The following KIAA2012 variants were observed in gnomAD, a reference collection of about 807,000 sequenced individuals.
The protein encoded by KIAA2012 is uncharacterized protein KIAA2012.
Under a neutral mutation model 150.6 loss-of-function variants are expected in KIAA2012, and 125 were observed. The observed-to-expected ratio is 0.83, with a 90% confidence interval of 0.72 to 0.96. The LOEUF (loss-of-function observed/expected upper bound fraction) is 0.96, where lower values mean the gene tolerates loss of function less well. Ranked by LOEUF, KIAA2012 falls within the 40% of genes least tolerant of loss-of-function variation. The pLI, the probability that KIAA2012 is intolerant of heterozygous loss-of-function variation, is 0.00. For missense variants in KIAA2012, 1,219 were observed against 1,354.9 expected, an observed-to-expected ratio of 0.90 and a Z score of 1.57; for synonymous variants, 462 against 504.7, an observed-to-expected ratio of 0.92 and a Z score of 1.13.
At chr2:202,080,749 T>A in intron 2 of KIAA2012, among the ~76,000 whole-genome samples, 1 of 151,386 alleles carries the variant, frequency 6.6e-6, no homozygotes, top group East Asian at 1.9e-4. Context: ...GTTAGTATTA[T>A]ACCAGTACCA....
At chr2:202,185,361 T>A (rs1301903744) in intron 16 of KIAA2012, among the ~76,000 whole-genome samples, 2 of 152,328 alleles carry the variant, frequency 1.3e-5, no homozygotes, top group East Asian at 3.9e-4. Context: ...GCAGCTGGCG[T>A]GGCCTCTCTG....
intron 18 of KIAA2012, among the ~76,000 whole-genome samples, chr2:202,189,820 G>A (rs988255603): frequency 1.3e-5 from 2 of 152,058 alleles, no homozygotes; most frequent in Middle Eastern, 3.2e-3. Flanking sequence ...GGCCAGGCAC[G>A]GTGGCGCACA....
At chr2:202,120,301 G>A (rs974336449) in intron 11 of KIAA2012, among the ~76,000 whole-genome samples, 4 of 152,144 alleles carry the variant, frequency 2.6e-5, no homozygotes, top group Admixed American at 6.5e-5. Context: ...GCTTGAGCCT[G>A]GGAAGTCAAG....
intron 2 of KIAA2012, among the ~76,000 whole-genome samples, chr2:202,087,510 C>CA (rs59728832): frequency 0.21 from 10,713 of 52,090 alleles, 1,492 homozygotes; most frequent in African/African-American, 0.3. Context: ...GAAACCATCT[C>CA]AAAAAAAAAA....
At chr2:202,143,075 A>ATT (rs59488285) in intron 13 of KIAA2012, among the ~76,000 whole-genome samples, 10 of 124,988 alleles carry the variant, frequency 8.0e-5, no homozygotes, top group Admixed American at 8.8e-5. Context: ...CACTGGTTTA[A>ATT]TTTTTTTTTT....
intron 2 of KIAA2012, among the ~76,000 whole-genome samples, chr2:202,090,186 C>T (rs1370912852): frequency 6.6e-6 from 1 of 152,182 alleles, no homozygotes; most frequent in East Asian, 1.9e-4. Context: ...AATGTAAATT[C>T]CTAGTCAATT....
Position 202,126,342 on chromosome 2 carries a change from A to G in KIAA2012, c.1831+1060A>G, listed in dbSNP as rs189531198. On this transcript the variant is annotated intron_variant, in intron 12 of 23. Coordinates refer to ENST00000498697, the MANE Select transcript of KIAA2012 (RefSeq NM_001277372.4). ...AGGCGGGAGGCAGTGCCACAGATCA[A>G]GGGCTATAGGCAAATCAGGGTGGAA... 5.9e-5 allele frequency among the ~76,000 whole-genome samples: 9 copies of G among 152,260 alleles called. No individual in the cohort carries two copies. In the East Asian group the frequency reaches 1.7e-3, roughly 29 times the overall value.
At chr2:202,183,882 A>AT (rs1483878129) in intron 15 of KIAA2012, among the ~76,000 whole-genome samples, 1 of 152,086 alleles carries the variant, frequency 6.6e-6, no homozygotes, top group Non-Finnish European at 1.5e-5. Context: ...AATGTTATCT[A>AT]TTATTTCCTT....
At chr2:202,165,992 C>T (rs1691751128) in intron 15 of KIAA2012, among the ~76,000 whole-genome samples, 1 of 152,182 alleles carries the variant, frequency 6.6e-6, no homozygotes, top group African/African-American at 2.4e-5. Flanking sequence ...TGACACTAGA[C>T]AGGGAAACAT....
At chr2:202,176,022 G>A (rs1691982453) in intron 15 of KIAA2012, among the ~76,000 whole-genome samples, 1 of 152,230 alleles carries the variant, frequency 6.6e-6, no homozygotes, top group East Asian at 1.9e-4. Context: ...GAGACAACTG[G>A]TTATGCAATT....
intron 15 of KIAA2012, among the ~76,000 whole-genome samples, chr2:202,181,887 A>T (rs1395879297): frequency 1.3e-5 from 2 of 152,114 alleles, no homozygotes; most frequent in Admixed American, 1.3e-4. Context: ...ATTGACATAC[A>T]ATAAATTAGA....
Position 202,193,417 on chromosome 2 carries a change from G to C in KIAA2012, c.2928G>C (p.Arg976Ser). The change falls in exon 20 of 24, where the codon AGG (arginine) becomes AGC (serine). Residue 976 changes from arginine to serine, a missense_variant. Coordinates refer to ENST00000498697, the MANE Select transcript of KIAA2012 (RefSeq NM_001277372.4). ...EKKRREQEEQ[R>S]QLQQEQLERA... ...AGAGAAGGGAGCAGGAAGAGCAAAG[G>C]CAGCTCCAGCAGGAGCAGCTGGAGA... 4 of 1,550,398 alleles carry C rather than the reference G, an allele frequency of 2.6e-6. No homozygotes were observed. Among genetic ancestry groups the C allele is most frequent in the Non-Finnish European group, 3.5e-6 (4 of 1,146,866 alleles).
chr2:202,097,068 T>C (rs1689903830), intron 4 of KIAA2012, among the ~76,000 whole-genome samples: 1 of 152,178 alleles, frequency 6.6e-6, no homozygotes, highest in Admixed American at 6.5e-5. Flanking sequence ...CACAGCACTG[T>C]CATCCACTAA....
chr2:202,088,580 T>A (rs1362441929), intron 2 of KIAA2012, among the ~76,000 whole-genome samples: 1 of 152,132 alleles, frequency 6.6e-6, no homozygotes, highest in Non-Finnish European at 1.5e-5. Context: ...CTTTCACAAG[T>A]GCAGGGTGGG....
intron 2 of KIAA2012, among the ~76,000 whole-genome samples, chr2:202,086,112 G>C (rs181784077): frequency 2.2e-5 from 3 of 137,874 alleles, no homozygotes; most frequent in Admixed American, 8.1e-5. Flanking sequence ...AGGTTGCAGT[G>C]AGCCAAGATC....
intron 4 of KIAA2012, among the ~76,000 whole-genome samples, chr2:202,096,017 G>A (rs1333726781): frequency 2.0e-5 from 3 of 152,158 alleles, no homozygotes; most frequent in Non-Finnish European, 4.4e-5. Flanking sequence ...CTGGGAGGTG[G>A]AGGTTGCAGT....
chr2:202,093,141 T>C lies in KIAA2012; in HGVS notation c.641T>C (p.Val214Ala). ...GVPPKYHLLP[V>A]FPSFWIQQGK... is the part of the protein sequence containing the mutation. Reference sequence around the variant, plus strand: ...CCCCCAAAATACCATCTCCTGCCTGTCTTCCCTTCATTTTGGATTCAACAA... The same window carrying C: ...CCCCCAAAATACCATCTCCTGCCTGCCTTCCCTTCATTTTGGATTCAACAA... Residue 214 changes from valine (V) to alanine (A), a missense_variant, in exon 4 of 24, where the codon GTC (valine) becomes GCC (alanine). By Grantham distance (64) the Val-to-Ala change is moderately conservative. Transcript: ENST00000498697. The C allele has an allele frequency of 6.4e-7, 1 of 1,551,236 alleles. No individual in the cohort carries two copies. Among genetic ancestry groups the C allele is most frequent in the South Asian group, 1.2e-5 (1 of 84,062 alleles).
At chr2:202,084,323 T>C (rs1274154482) in intron 2 of KIAA2012, among the ~76,000 whole-genome samples, 1 of 152,106 alleles carries the variant, frequency 6.6e-6, no homozygotes, top group Admixed American at 6.5e-5. Flanking sequence ...TCTGAAAACC[T>C]TCAGTGGCCA....
At chr2:202,201,136 T>C (rs1198595893) in intron 22 of KIAA2012, among the ~76,000 whole-genome samples, 2 of 152,206 alleles carry the variant, frequency 1.3e-5, no homozygotes, top group African/African-American at 2.4e-5. Flanking sequence ...TTAGGGCAGC[T>C]TCGCCCACAT....
Sources: allele counts gnomAD v4.1 joint callset (sites outside exome capture counted in the v4.1 genomes callset), GRCh38; gene constraint gnomAD v4.1.1; transcripts MANE v1.5; gene names NCBI Gene and HGNC (gene_info 2026-07-23, HGNC 2026-07-21).